The following NUP210L variants were observed in gnomAD, a reference collection of about 807,000 sequenced individuals.
NUP210L encodes nuclear pore membrane glycoprotein 210-like.
In NUP210L, 74 loss-of-function variants were observed where a neutral mutation model predicts 208.5. The observed-to-expected ratio is 0.35, with a 90% CI of 0.29 to 0.43. NUP210L has a LOEUF of 0.43. NUP210L is among the 20% of genes least tolerant of loss of function. The pLI, the probability that NUP210L is intolerant of heterozygous loss-of-function variation, is 1.00. For synonymous variants in NUP210L, 780 were observed against 816.9 expected (o/e 0.95, Z 0.77); for missense variants, 1,843 against 2,289.4 (o/e 0.81, Z 3.98).
intron 27 of NUP210L, among the ~76,000 whole-genome samples, chr1:154,045,080 T>C (rs761869503): frequency 2.6e-5 from 4 of 152,034 alleles, no homozygotes; most frequent in Non-Finnish European, 5.9e-5. Context: ...AAGGGAACCA[T>C]GGAGGGGCAG....
chr1:154,083,310 G>A (rs1286394680), intron 16 of NUP210L, among the ~76,000 whole-genome samples: 1 of 152,116 alleles, frequency 6.6e-6, no homozygotes, highest in African/African-American at 2.4e-5. Context: ...GCGCTGATTG[G>A]TGTGTTTTTA....
At chr1:154,012,455 C>T (rs1413530718) in intron 33 of NUP210L, 85 bp from the exon 34 acceptor site, 1 of 1,293,336 alleles carries the variant, frequency 7.7e-7, no homozygotes, top group African/African-American at 1.5e-5. Context: ...ACTTATTTAA[C>T]CAAAAGTATC....
chr1:154,012,387 G>C lies in NUP210L; in HGVS notation c.4654-17C>G. On this transcript the variant is annotated splice_polypyrimidine_tract_variant and intron_variant, in intron 33 of 39. Transcript: ENST00000368559. The stretch of plus-strand genomic sequence containing the variant: ...GACCACCACCTGTCAGCAAATCAAA[G>C]GAAAATCTGCACCTAAGTTCCTAGA... 1 of 1,607,686 alleles carries C rather than the reference G, an allele frequency of 6.2e-7. No individual in the cohort carries two copies. The highest frequency in any genetic ancestry group is 8.5e-7 in the Non-Finnish European group (1 of 1,177,898).
At chr1:154,026,044 G>A (rs1321230945) in intron 29 of NUP210L, among the ~76,000 whole-genome samples, 1 of 150,878 alleles carries the variant, frequency 6.6e-6, no homozygotes, top group East Asian at 2.0e-4. Flanking sequence ...CCAACATGGT[G>A]AAACCCCGTC....
chr1:153,996,848 CTTT>C (rs747835495), intron 37 of NUP210L, among the ~76,000 whole-genome samples: 1 of 103,714 alleles, frequency 9.6e-6, no homozygotes. Context: ...GTAGACTTGC[CTTT>C]TTTTTTTTTT....
intron 25 of NUP210L, among the ~76,000 whole-genome samples, chr1:154,049,048 AG>A (rs1653344285): frequency 6.6e-6 from 1 of 152,186 alleles, no homozygotes; most frequent in Admixed American, 6.5e-5. Flanking sequence ...ATAACTATTC[AG>A]GGAAAGAAAT....
intron 16 of NUP210L, among the ~76,000 whole-genome samples, chr1:154,080,214 G>A (rs1655247591): frequency 6.6e-6 from 1 of 151,832 alleles, no homozygotes; most frequent in South Asian, 2.1e-4. Flanking sequence ...ACAAAAATGA[G>A]CCAGGCATTG....
At chr1:154,065,200 A>C (rs1200106991) in intron 17 of NUP210L, among the ~76,000 whole-genome samples, 1 of 152,048 alleles carries the variant, frequency 6.6e-6, no homozygotes, top group African/African-American at 2.4e-5. Flanking sequence ...TGGGAGGATC[A>C]CTTCAGGCCA....
intron 12 of NUP210L, among the ~76,000 whole-genome samples, chr1:154,106,457 A>C (rs1367340298): frequency 4.6e-5 from 7 of 152,100 alleles, no homozygotes; most frequent in African/African-American, 1.7e-4. Context: ...GAAGGCCACA[A>C]GCCTGGCTGA....
At chr1:154,088,378 G>A (rs533634558) in intron 16 of NUP210L, among the ~76,000 whole-genome samples, 4 of 151,966 alleles carry the variant, frequency 2.6e-5, no homozygotes, top group Admixed American at 6.6e-5. Context: ...ATAGGGTGAT[G>A]GAGAATCATG....
At chr1:154,024,947 T>TG (rs1553223521) in intron 30 of NUP210L, among the ~76,000 whole-genome samples, 134 of 120,768 alleles carry the variant, frequency 1.1e-3, no homozygotes, top group Admixed American at 2.0e-3. Flanking sequence ...TTTTTTTTTT[T>TG]GAGATGGAGT....
At chr1:154,030,168 G>T in intron 27 of NUP210L, 114 bp from the exon 28 acceptor site, 2 of 685,942 alleles carry the variant, frequency 2.9e-6, no homozygotes, top group Non-Finnish European at 4.3e-6. Context: ...AAAAAGTCAG[G>T]AAAGGGTGGG....
At chr1:154,081,417 T>C (rs1571249544) in intron 16 of NUP210L, among the ~76,000 whole-genome samples, 1 of 152,220 alleles carries the variant, frequency 6.6e-6, no homozygotes, top group Non-Finnish European at 1.5e-5. Flanking sequence ...CCCTAAACCT[T>C]TGGAATTTCT....
chr1:153,995,757 A>G, intron 37 of NUP210L: 1 of 731,366 alleles, frequency 1.4e-6, no homozygotes, highest in East Asian at 2.9e-5. Context: ...GGAAAGCACC[A>G]AAATCTGCAT....
intron 16 of NUP210L, among the ~76,000 whole-genome samples, chr1:154,080,531 A>G (rs1655265918): frequency 6.6e-6 from 1 of 151,762 alleles, no homozygotes; most frequent in Non-Finnish European, 1.5e-5. Flanking sequence ...AACATACCAA[A>G]AAATTTCCCA....
chr1:154,116,501 G>A (rs1016921127), intron 12 of NUP210L, among the ~76,000 whole-genome samples: 2 of 151,746 alleles, frequency 1.3e-5, no homozygotes, highest in Admixed American at 1.3e-4. Context: ...GGCCAAGACA[G>A]GAGGATCACT....
At chr1:154,118,753 A>C in exon 11 of NUP210L, 1 of 1,594,962 alleles carries the variant, frequency 6.3e-7, no homozygotes, top group Non-Finnish European at 8.6e-7. Context: ...GGGAAAATAA[A>C]TCTTCACTTC....
At chr1:154,041,104 ACAGGTGTGTGCCACCACAC>A (rs1652849118) in intron 27 of NUP210L, among the ~76,000 whole-genome samples, 1 of 152,060 alleles carries the variant, frequency 6.6e-6, no homozygotes, top group Admixed American at 6.6e-5. Context: ...AGCTGAGACT[ACAGGTGTGTGCCACCACAC>A]CTACCTAATT....
intron 29 of NUP210L, 99 bp from the exon 30 acceptor site, chr1:154,025,815 G>A (rs779948609): frequency 6.5e-5 from 63 of 968,476 alleles, no homozygotes; most frequent in Non-Finnish European, 8.9e-5. Context: ...GGATGTACTC[G>A]AGAAAACTGC....
Sources: allele counts gnomAD v4.1 joint callset (sites outside exome capture counted in the v4.1 genomes callset), GRCh38; gene constraint gnomAD v4.1.1; transcripts MANE v1.5; gene names NCBI Gene and HGNC (gene_info 2026-07-23, HGNC 2026-07-21).